Variants in KIF21A observed in about 807,000 individuals in gnomAD.
KIF21A encodes kinesin family member 21A.
Under a neutral mutation model 202.9 loss-of-function variants are expected in KIF21A, and 114 were observed. That is an observed-to-expected ratio of 0.56 (90% CI 0.48 to 0.66). The LOEUF is 0.66. Among genes scored for constraint, KIF21A ranks in the 30% least tolerant of loss-of-function variants. The probability of loss-of-function intolerance (pLI) is 0.00; values close to 1 mark genes in which losing one functional copy is unlikely to be tolerated. For missense variants in KIF21A, 1,677 were observed against 1,994.9 expected (o/e 0.84, Z 3.04); for synonymous variants, 667 against 670.8 (o/e 0.99, Z 0.09).
At chr12:39,395,335 T>A (rs1235206417) in intron 1 of KIF21A, among the ~76,000 whole-genome samples, 1 of 152,112 alleles carries the variant, frequency 6.6e-6, no homozygotes, top group Non-Finnish European at 1.5e-5. Context: ...AATTGTTCTA[T>A]CCTCTGCCTG....
At chr12:39,312,277 G>C (rs1352538349) in intron 31 of KIF21A, 1 of 151,986 alleles carries the variant, frequency 6.6e-6, no homozygotes, top group Non-Finnish European at 1.5e-5. Context: ...GGCACAGAAA[G>C]AGAAACATTG....
At chr12:39,340,390 A>G (rs1947342835) in intron 15 of KIF21A, 26 bp from the exon 16 acceptor site, 1 of 1,547,152 alleles carries the variant, frequency 6.5e-7, no homozygotes, top group Non-Finnish European at 8.8e-7. Context: ...ACATTTTTAT[A>G]TGTTTTTTTG....
intron 1 of KIF21A, among the ~76,000 whole-genome samples, chr12:39,397,026 A>G (rs1400319447): frequency 6.6e-6 from 1 of 152,222 alleles, no homozygotes; most frequent in African/African-American, 2.4e-5. Flanking sequence ...TACATAGAAA[A>G]CAGGATCTGT....
At chr12:39,406,675 T>A (rs558728108) in intron 1 of KIF21A, among the ~76,000 whole-genome samples, 1 of 152,326 alleles carries the variant, frequency 6.6e-6, no homozygotes, top group South Asian at 2.1e-4. Flanking sequence ...TTTTCTTCCT[T>A]TCTTGGCTTC....
chr12:39,422,564 C>T (rs1489720791), intron 1 of KIF21A, among the ~76,000 whole-genome samples: 1 of 152,144 alleles, frequency 6.6e-6, no homozygotes, highest in Non-Finnish European at 1.5e-5. Flanking sequence ...TACCCTCCCA[C>T]CTCCTCTCAG....
rs1207626655 is a variant in KIF21A, at chr12:39,318,070, T to C, written c.3908+3A>G. The stretch of plus-strand genomic sequence containing the variant: ...ATTGGGGCTCTTTTCCATAATGACT[T>C]ACTTATCCTGCTGAACTGATGTGTT... On this transcript the variant is annotated splice_donor_region_variant and intron_variant, in intron 29 of 37. Coordinates refer to ENST00000361418, the MANE Select transcript of KIF21A (RefSeq NM_001173464.2). 1 of 1,611,870 alleles carries C rather than the reference T, an allele frequency of 6.2e-7. No individual in the cohort carries two copies.
chr12:39,358,184 G>A lies in KIF21A; in HGVS notation c.1209C>T (p.Tyr403=), dbSNP rs1250278385. 6.2e-7 allele frequency: 1 copy of A among 1,613,754 alleles called. No homozygotes were observed. Among genetic ancestry groups the A allele is most frequent in the Non-Finnish European group, 8.5e-7 (1 of 1,179,770 alleles). The change falls in exon 8 of 38, where the codon TAC becomes TAT. Residue 403 remains tyrosine, a synonymous_variant. Transcript: ENST00000361418. Reference sequence around the variant, plus strand: ...GTCAAACTCATTAGCTTACTGTTTTGTACTCCATGAGCTCCATCTGAAGTC... The same window carrying A: ...GTCAAACTCATTAGCTTACTGTTTTATACTCCATGAGCTCCATCTGAAGTC... ...ITRLQMELME[Y]KTGKRIIDEE...
At chr12:39,326,443 A>G in intron 24 of KIF21A, 119 bp from the exon 25 acceptor site, 2 of 725,966 alleles carry the variant, frequency 2.8e-6, no homozygotes, top group South Asian at 3.0e-5. Flanking sequence ...CGATGGTTTT[A>G]GTAGCTGAAT....
intron 24 of KIF21A, among the ~76,000 whole-genome samples, chr12:39,328,384 T>C (rs1946166591): frequency 6.6e-6 from 1 of 152,150 alleles, no homozygotes; most frequent in Admixed American, 6.5e-5. Context: ...CTGTGTGAAC[T>C]CTTATCGTAG....
At position 39,415,230 on chromosome 12, in the gene KIF21A, C is replaced by CTT. The variant is rs1161997461; in HGVS notation, c.44+27695_44+27696dup. ...TTTTTTAAAAGTCTGGTAGAGAATG[C>CTT]TTTTTTTTTTTTTTTTTTTTTTTTT... On this transcript the variant is annotated intron_variant, in intron 1 of 37. Transcript: ENST00000361418. Among the ~76,000 whole-genome samples the CTT allele has an allele frequency of 1.9e-3, 106 of 55,464 alleles. 20 individuals are homozygous for CTT. Among genetic ancestry groups the CTT allele is most frequent in the Non-Finnish European group, 2.7e-3 (79 of 29,796 alleles). 36.4% of individuals were successfully genotyped at this position (55,464 alleles called of 152,430 possible). A position where few individuals can be genotyped will look rare whatever the true frequency, so the allele number is the denominator to read the frequency against.
At chr12:39,309,539 A>T in intron 33 of KIF21A, 47 bp downstream of exon 33, 5 of 1,386,404 alleles carry the variant, frequency 3.6e-6, no homozygotes, top group Non-Finnish European at 4.9e-6. Context: ...AAAAAAAAAA[A>T]AGAAGAGCTA....
chr12:39,419,257 C>T (rs1289213578), intron 1 of KIF21A, among the ~76,000 whole-genome samples: 5 of 152,146 alleles, frequency 3.3e-5, no homozygotes, highest in Non-Finnish European at 5.9e-5. Context: ...TTTAGAGCCA[C>T]AAGGAATCTT....
chr12:39,359,683 A>T (rs960078713), intron 7 of KIF21A, among the ~76,000 whole-genome samples: 2 of 152,208 alleles, frequency 1.3e-5, no homozygotes, highest in African/African-American at 4.8e-5. Context: ...TGTGGTCCCC[A>T]GTCTAGCACC....
chr12:39,324,780 G>A (rs147897691), intron 26 of KIF21A, among the ~76,000 whole-genome samples: 6 of 152,280 alleles, frequency 3.9e-5, no homozygotes, highest in African/African-American at 1.4e-4. Flanking sequence ...TGTATATCCA[G>A]CTAAATTAGT....
chr12:39,365,903 TG>T (rs1243052449), intron 6 of KIF21A, among the ~76,000 whole-genome samples: 1 of 152,054 alleles, frequency 6.6e-6, no homozygotes, highest in African/African-American at 2.4e-5. Flanking sequence ...CCAGCTTCTA[TG>T]AAGTGGGAAG....
intron 1 of KIF21A, among the ~76,000 whole-genome samples, chr12:39,403,842 T>C (rs1952368308): frequency 6.6e-6 from 1 of 152,228 alleles, no homozygotes; most frequent in Non-Finnish European, 1.5e-5. Context: ...CTTACTTCTT[T>C]AAGACTGTTG....
At chr12:39,314,093 C>T (rs964360140) in intron 31 of KIF21A, among the ~76,000 whole-genome samples, 3 of 151,114 alleles carry the variant, frequency 2.0e-5, no homozygotes, top group Non-Finnish European at 3.0e-5. Flanking sequence ...TGAAGACTAA[C>T]GAATGGAAAT....
chr12:39,396,317 T>G (rs1331413562), intron 1 of KIF21A, among the ~76,000 whole-genome samples: 1 of 152,198 alleles, frequency 6.6e-6, no homozygotes, highest in East Asian at 1.9e-4. Flanking sequence ...TGTGTTTGGT[T>G]TTTAAGCAGT....
At chr12:39,374,866 T>A (rs1473441335) in intron 1 of KIF21A, among the ~76,000 whole-genome samples, 1 of 152,170 alleles carries the variant, frequency 6.6e-6, no homozygotes, top group Non-Finnish European at 1.5e-5. Context: ...AAAGTTTCCC[T>A]ATGCTGGCTT....
Sources: gnomAD v4.1 joint callset for allele counts (sites outside exome capture counted in the v4.1 genomes callset) on GRCh38, gnomAD v4.1.1 for gene constraint, MANE v1.5 for transcripts, NCBI Gene and HGNC (gene_info 2026-07-23, HGNC 2026-07-21) for gene names.